The following UBR3 variants were observed in gnomAD, a reference collection of about 807,000 sequenced individuals.
The protein encoded by UBR3 is E3 ubiquitin-protein ligase UBR3.
Under a neutral mutation model 243.2 loss-of-function variants are expected in UBR3, and 85 were observed. The ratio of observed to expected loss-of-function variants is 0.35; its 90% CI spans 0.29 to 0.42. The LOEUF (loss-of-function observed/expected upper bound fraction) is 0.42. Among genes scored for constraint, UBR3 ranks in the 10% least tolerant of loss-of-function variants. The pLI is 1.00. For missense variants in UBR3, 1,686 were observed against 2,300.8 expected (o/e 0.73, Z 5.47); for synonymous variants, 748 against 799.8 (o/e 0.94, Z 1.09).
At chr2:169,855,841 C>T (rs1485062817) in intron 1 of UBR3, among the ~76,000 whole-genome samples, 1 of 152,252 alleles carries the variant, frequency 6.6e-6, no homozygotes, top group Non-Finnish European at 1.5e-5. Context: ...TCATCATGGC[C>T]CCTTCTCAGT....
Position 170,080,042 on chromosome 2 carries a change from T to C in UBR3, c.5409+19T>C, listed in dbSNP as rs754329926. On this transcript the variant is annotated intron_variant, in intron 37 of 38. Coordinates refer to ENST00000272793, the MANE Select transcript of UBR3 (RefSeq NM_172070.4). ...TGTACTGGTAAGCAATAGTAGATAATACAAAATTTATGAAAACACAGATCT... is the reference window on the plus strand; with the variant it reads ...TGTACTGGTAAGCAATAGTAGATAACACAAAATTTATGAAAACACAGATCT... 7.5e-6 allele frequency: 12 copies of C among 1,592,774 alleles called. No homozygotes were observed. In the East Asian group the frequency reaches 8.9e-5, roughly 12 times the overall value.
chr2:169,964,574 C>G, intron 24 of UBR3: 1 of 404,932 alleles, frequency 2.5e-6, no homozygotes, highest in Non-Finnish European at 5.0e-6. Flanking sequence ...ATGGGAAGCT[C>G]AGGCAGATGA....
intron 36 of UBR3, among the ~76,000 whole-genome samples, chr2:170,074,051 A>C (rs2091755391): frequency 6.6e-6 from 1 of 152,200 alleles, no homozygotes; most frequent in Admixed American, 6.6e-5. Context: ...ATTGAAGATA[A>C]GTAGAGTGGG....
chr2:169,940,523 G>A (rs374356235), intron 19 of UBR3, among the ~76,000 whole-genome samples: 1 of 152,074 alleles, frequency 6.6e-6, no homozygotes, highest in African/African-American at 2.4e-5. Flanking sequence ...ATTCTACATA[G>A]TCAATTTTTA....
chr2:169,935,631 G>A (rs1046179521), intron 19 of UBR3, among the ~76,000 whole-genome samples: 12 of 152,148 alleles, frequency 7.9e-5, no homozygotes, highest in African/African-American at 2.7e-4. Flanking sequence ...CCATCTTGAA[G>A]GTTAATGGCT....
At chr2:169,891,750 GTAA>G (rs1212195623) in intron 6 of UBR3, among the ~76,000 whole-genome samples, 2 of 152,124 alleles carry the variant, frequency 1.3e-5, no homozygotes, top group African/African-American at 2.4e-5. Flanking sequence ...GACTAGATTA[GTAA>G]TAATAATGAG....
Position 169,947,667 on chromosome 2 carries a change from G to A in UBR3, c.3036G>A (p.Lys1012=). The change falls in exon 22 of 39, where the codon AAG becomes AAA. Residue 1012 remains lysine, a synonymous_variant. Coordinates refer to ENST00000272793, the MANE Select transcript of UBR3 (RefSeq NM_172070.4). ...TTCCAGAGACTGCTCCTGAAGTAAAGAGAGACTCACCTGCAAGTACTAGCT... is the reference window on the plus strand; with the variant it reads ...TTCCAGAGACTGCTCCTGAAGTAAAAAGAGACTCACCTGCAAGTACTAGCT... The part of the protein sequence containing the change: ...VRVPETAPEV[K]RDSPASTSSD... The A allele has an allele frequency of 6.5e-7, 1 of 1,537,296 alleles. No individual in the cohort carries two copies. The highest frequency in any genetic ancestry group is 1.4e-5 in the African/African-American group (1 of 72,458).
At chr2:169,957,409 G>A (rs944469565) in intron 23 of UBR3, among the ~76,000 whole-genome samples, 10 of 152,036 alleles carry the variant, frequency 6.6e-5, no homozygotes, top group Admixed American at 2.0e-4. Context: ...CATGTCCTTC[G>A]TAGGGACATG....
intron 1 of UBR3, among the ~76,000 whole-genome samples, chr2:169,852,462 A>G (rs182538809): frequency 7.0e-4 from 107 of 152,316 alleles, no homozygotes; most frequent in African/African-American, 2.2e-3. Flanking sequence ...CTTATTGCCT[A>G]TGGCGGCTTT....
At chr2:169,838,900 G>A (rs1011709966) in intron 1 of UBR3, among the ~76,000 whole-genome samples, 2 of 152,168 alleles carry the variant, frequency 1.3e-5, no homozygotes, top group Non-Finnish European at 2.9e-5. Context: ...AAAACACAGT[G>A]TCTACACTGT....
At chr2:170,059,286 A>G (rs1224112133) in intron 33 of UBR3, among the ~76,000 whole-genome samples, 2 of 152,246 alleles carry the variant, frequency 1.3e-5, no homozygotes, top group African/African-American at 4.8e-5. Flanking sequence ...TTAAAAGTCA[A>G]GTTATCACTC....
chr2:169,895,362 T>C (rs1228936209), intron 7 of UBR3, 51 bp downstream of exon 7: 2 of 1,495,496 alleles, frequency 1.3e-6, no homozygotes, highest in East Asian at 2.5e-5. Flanking sequence ...TTTCTTTGCC[T>C]TTCATTATTA....
intron 24 of UBR3, among the ~76,000 whole-genome samples, chr2:169,974,689 C>G (rs915610591): frequency 1.3e-5 from 2 of 152,030 alleles, no homozygotes; most frequent in Non-Finnish European, 2.9e-5. Context: ...TTTCCTTCCT[C>G]TTGCTAATTT....
At chr2:170,011,446 A>G (rs1400849770) in intron 29 of UBR3, among the ~76,000 whole-genome samples, 4 of 152,156 alleles carry the variant, frequency 2.6e-5, no homozygotes, top group Non-Finnish European at 5.9e-5. Context: ...TTTTAAATGT[A>G]TAATTCATTA....
intron 24 of UBR3, among the ~76,000 whole-genome samples, chr2:169,978,043 A>G (rs78185983): frequency 9.7e-4 from 147 of 152,128 alleles, no homozygotes; most frequent in African/African-American, 3.2e-3. Context: ...TAGTGGTATA[A>G]CTTCCATGCA....
rs779690907 is a variant in UBR3, at chr2:170,007,076, A to G, written c.4116A>G (p.Pro1372=). Residue 1372 remains proline, a synonymous_variant, in exon 28 of 39, where the codon CCA becomes CCG. Transcript: ENST00000272793. ...GGCAGTTTGCTAACAGTGTTCTTCC[A>G]TGTTATCCTGGAAGCAATGTGGAAA... The part of the protein sequence containing the change: ...LCRQFANSVL[P]CYPGSNVENN... The G allele has an allele frequency of 1.9e-6, 3 of 1,613,516 alleles. No individual in the cohort carries two copies. Among genetic ancestry groups the G allele is most frequent in the African/African-American group, 1.3e-5 (1 of 74,826 alleles).
Position 169,872,353 on chromosome 2 carries a change from A to G in UBR3, c.663A>G (p.Leu221=), listed in dbSNP as rs1430202324. The change falls in exon 2 of 39, where the codon TTA becomes TTG. Residue 221 remains leucine, a synonymous_variant. Coordinates refer to ENST00000272793, the MANE Select transcript of UBR3 (RefSeq NM_172070.4). The part of the protein sequence containing the change: ...PRFIFCLIQY[L]REGYNEPAAD... ...TTATATTTTGTCTTATTCAGTACTT[A>G]AGAGAAGGCTATAATGAACCAGGTA... 2 of 1,487,536 alleles carry G rather than the reference A, an allele frequency of 1.3e-6. No individual in the cohort carries two copies. The highest frequency in any genetic ancestry group is 1.8e-6 in the Non-Finnish European group (2 of 1,099,828). The allele number at this position is 1,487,536 out of a possible 1,614,324, so 92.1% of individuals were successfully genotyped here. A position where few individuals can be genotyped will look rare whatever the true frequency, so the allele number is the denominator to read the frequency against.
rs544517053 is a variant in UBR3 at position 169,837,554 on chromosome 2, A to G, written c.545+9502A>G. ...AGGTTTAATTGACTCACAGTTCAGC[A>G]TGGCTGGGGAGGCCTTAGGAAACGT... On this transcript the variant is annotated intron_variant, in intron 1 of 38. Transcript: ENST00000272793. 5.3e-5 allele frequency among the ~76,000 whole-genome samples: 8 copies of G among 152,364 alleles called. No homozygotes were observed. The East Asian group carries it at 1.3e-3, about 26-fold the overall frequency.
chr2:170,081,672 C>T (rs568593866), intron 38 of UBR3, 54 bp from the exon 39 acceptor site: 113 of 1,301,906 alleles, frequency 8.7e-5, no homozygotes, highest in South Asian at 8.6e-4. Context: ...GAAAGAAATG[C>T]ATGTGAAATC....
Sources: gnomAD v4.1 joint callset for allele counts (sites outside exome capture counted in the v4.1 genomes callset) on GRCh38, gnomAD v4.1.1 for gene constraint, MANE v1.5 for transcripts, NCBI Gene and HGNC (gene_info 2026-07-23, HGNC 2026-07-21) for gene names.